The following DLG2 variants were observed in gnomAD, a reference collection of about 807,000 sequenced individuals.
DLG2 encodes disks large homolog 2.
Under a neutral mutation model 132.5 loss-of-function variants are expected in DLG2, and 45 were observed. That is an observed-to-expected ratio of 0.34 (90% CI 0.27 to 0.44). The LOEUF (loss-of-function observed/expected upper bound fraction) is 0.44. DLG2 is among the 20% of genes least tolerant of loss of function. DLG2 has a pLI of 1.00. For missense variants in DLG2, 1,045 were observed against 1,196.9 expected (o/e 0.87, Z 1.87); for synonymous variants, 424 against 419.6 (o/e 1.01, Z -0.13).
At chr11:85,042,082 T>A (rs1277179065) in intron 6 of DLG2, among the ~76,000 whole-genome samples, 2 of 151,530 alleles carry the variant, frequency 1.3e-5, no homozygotes, top group Non-Finnish European at 2.9e-5. Flanking sequence ...TCTATCAAAA[T>A]TGGAAAAAAA....
At chr11:83,775,121 T>A (rs568004599) in intron 18 of DLG2, among the ~76,000 whole-genome samples, 3 of 152,184 alleles carry the variant, frequency 2.0e-5, no homozygotes, top group African/African-American at 7.2e-5. Flanking sequence ...TCCGTTCTCA[T>A]TTACAACTGG....
At chr11:84,368,875 T>C (rs2098694720) in intron 7 of DLG2, among the ~76,000 whole-genome samples, 1 of 152,176 alleles carries the variant, frequency 6.6e-6, no homozygotes, top group Non-Finnish European at 1.5e-5. Context: ...TATATTTGTA[T>C]ATAGTCTAGA....
chr11:84,600,898 A>C (rs1238847371), intron 6 of DLG2, among the ~76,000 whole-genome samples: 1 of 152,216 alleles, frequency 6.6e-6, no homozygotes, highest in African/African-American at 2.4e-5. Flanking sequence ...GTAGGTGTCC[A>C]AGGAATGTTT....
At chr11:84,879,143 T>C (rs1316686874) in intron 6 of DLG2, among the ~76,000 whole-genome samples, 1 of 152,140 alleles carries the variant, frequency 6.6e-6, no homozygotes, top group African/African-American at 2.4e-5. Context: ...CAACTAGTTG[T>C]AATGGCCAGG....
intron 19 of DLG2, among the ~76,000 whole-genome samples, chr11:83,627,830 A>G (rs573375525): frequency 3.4e-4 from 52 of 152,294 alleles, no homozygotes; most frequent in African/African-American, 1.2e-3. Context: ...ACTCCCACCA[A>G]CAGTGTAAAA....
chr11:84,675,227 G>T (rs1195575791), intron 6 of DLG2, among the ~76,000 whole-genome samples: 1 of 151,972 alleles, frequency 6.6e-6, no homozygotes, highest in African/African-American at 2.4e-5. Flanking sequence ...ACATCTATGG[G>T]TTCCACTGCT....
intron 6 of DLG2, among the ~76,000 whole-genome samples, chr11:84,540,242 G>A (rs955892744): frequency 5.9e-5 from 9 of 151,676 alleles, no homozygotes; most frequent in Non-Finnish European, 1.0e-4. Context: ...ACTACCATCA[G>A]AGTGAACAGG....
intron 6 of DLG2, among the ~76,000 whole-genome samples, chr11:84,874,139 T>A (rs2085939287): frequency 6.6e-6 from 1 of 152,194 alleles, no homozygotes. Context: ...GGTGTCTTAG[T>A]TTGCAGAAAA....
chr11:83,966,984 T>C (rs1478432029), intron 12 of DLG2, among the ~76,000 whole-genome samples: 1 of 152,102 alleles, frequency 6.6e-6, no homozygotes, highest in Admixed American at 6.6e-5. Flanking sequence ...AGTGAGATCA[T>C]GCAATATTGT....
chr11:83,520,664 T>TAGATAGATAGATAGATAGAA (rs1277905785), intron 21 of DLG2, among the ~76,000 whole-genome samples: 1 of 143,362 alleles, frequency 7.0e-6, no homozygotes, highest in South Asian at 2.2e-4. Context: ...GATAGATAGA[T>TAGATAGATAGATAGATAGAA]AGAAAGAAAG....
intron 6 of DLG2, among the ~76,000 whole-genome samples, chr11:84,845,963 C>T (rs1277738145): frequency 6.6e-6 from 1 of 152,064 alleles, no homozygotes; most frequent in African/African-American, 2.4e-5. Context: ...AGCTACTGCA[C>T]CAGGCCTGAT....
At chr11:84,341,071 T>A (rs1428396058) in intron 7 of DLG2, among the ~76,000 whole-genome samples, 2 of 152,190 alleles carry the variant, frequency 1.3e-5, no homozygotes, top group Non-Finnish European at 2.9e-5. Context: ...AAGGAACCTA[T>A]AACTGCTAAG....
Position 83,786,867 on chromosome 11 carries a change from A to C in DLG2, c.1723-75T>G, listed in dbSNP as rs1040310247. 24 of 1,283,776 alleles carry C rather than the reference A, an allele frequency of 1.9e-5. No individual in the cohort carries two copies. The African/African-American group carries it at 1.9e-4, about 10-fold the overall frequency. The allele number at this position is 1,283,776 out of a possible 1,614,324, so 79.5% of individuals were successfully genotyped here. ...CCTGATAGAAGAAAAAAGTTTCCCA[A>C]AACCAGGCTGTCTAACATTATATCA... is the stretch of plus-strand genomic sequence containing the variant. On this transcript the variant is annotated intron_variant, in intron 17 of 27. Coordinates refer to ENST00000376104, the MANE Select transcript of DLG2 (RefSeq NM_001142699.3).
At chr11:83,902,339 C>A (rs981024752) in intron 15 of DLG2, among the ~76,000 whole-genome samples, 1 of 152,120 alleles carries the variant, frequency 6.6e-6, no homozygotes, top group African/African-American at 2.4e-5. Context: ...TTAGAGGGTT[C>A]ATTTGAATCA....
intron 6 of DLG2, among the ~76,000 whole-genome samples, chr11:84,888,748 C>T (rs1010598769): frequency 6.6e-6 from 1 of 152,104 alleles, no homozygotes; most frequent in Non-Finnish European, 1.5e-5. Context: ...CACTATCAAC[C>T]CTCTTCTTCC....
At chr11:85,253,058 C>T (rs981665820) in intron 4 of DLG2, among the ~76,000 whole-genome samples, 1 of 152,158 alleles carries the variant, frequency 6.6e-6, no homozygotes, top group Non-Finnish European at 1.5e-5. Flanking sequence ...ATCATATGCT[C>T]ATAATTACTT....
At chr11:85,341,196 G>C (rs2152859162) in intron 3 of DLG2, among the ~76,000 whole-genome samples, 1 of 152,182 alleles carries the variant, frequency 6.6e-6, no homozygotes, top group East Asian at 1.9e-4. Context: ...TCAGCTCACT[G>C]CAAGCTCCAC....
intron 16 of DLG2, among the ~76,000 whole-genome samples, chr11:83,859,653 T>C (rs763463862): frequency 5.3e-5 from 8 of 152,124 alleles, no homozygotes; most frequent in Admixed American, 2.0e-4. Flanking sequence ...GAAAAGAAAA[T>C]CTCATTTTCT....
At chr11:85,568,162 GCA>G (rs1446904045) in intron 3 of DLG2, among the ~76,000 whole-genome samples, 1 of 151,678 alleles carries the variant, frequency 6.6e-6, no homozygotes, top group Non-Finnish European at 1.5e-5. Context: ...TTACAGGCAT[GCA>G]CCACCATGCC....
Sources: allele counts gnomAD v4.1 joint callset (sites outside exome capture counted in the v4.1 genomes callset), GRCh38; gene constraint gnomAD v4.1.1; transcripts MANE v1.5; gene names NCBI Gene and HGNC (gene_info 2026-07-23, HGNC 2026-07-21).